The following MYO6 variants were observed in gnomAD, a reference collection of about 807,000 sequenced individuals.
The protein encoded by MYO6 is myosin VI, also known as unconventional myosin-VI.
MYO6 carries 74 observed loss-of-function variants against 178.7 expected under a neutral mutation model. The ratio of observed to expected loss-of-function variants is 0.41; its 90% CI spans 0.34 to 0.50. The LOEUF is 0.50. MYO6 is among the 20% of genes least tolerant of loss of function. The pLI, the probability that MYO6 is intolerant of heterozygous loss-of-function variation, is 0.09. For synonymous variants in MYO6, 477 were observed against 504.6 expected, an observed-to-expected ratio of 0.95 and a Z score of 0.73; for missense variants, 1,330 against 1,547.4, an observed-to-expected ratio of 0.86 and a Z score of 2.36.
Position 75,890,112 on chromosome 6 carries a change from G to T in MYO6, c.2714G>T (p.Ser905Ile), listed in dbSNP as rs758639863. The change falls in exon 26 of 35, where the codon AGC becomes ATC. Residue 905 changes from serine to isoleucine, a missense_variant. Transcript: ENST00000369977. ...IQKEYDALVK[S>I]SEELLSALQK... ...AAAGAATATGATGCACTGGTTAAAA[G>T]CTCAGAGGAACTCCTCAGTGCATTA... 6.2e-7 allele frequency: 1 copy of T among 1,613,766 alleles called. No homozygotes were observed. Among genetic ancestry groups the T allele is most frequent in the Non-Finnish European group, 8.5e-7 (1 of 1,179,976 alleles).
intron 10 of MYO6, among the ~76,000 whole-genome samples, chr6:75,846,459 A>G (rs1583259994): frequency 6.6e-6 from 1 of 152,130 alleles, no homozygotes; most frequent in Non-Finnish European, 1.5e-5. Flanking sequence ...AAAATATTCC[A>G]TTATTTAAAA....
chr6:75,763,700 T>C (rs1235903246), intron 1 of MYO6, among the ~76,000 whole-genome samples: 1 of 152,218 alleles, frequency 6.6e-6, no homozygotes, highest in East Asian at 1.9e-4. Flanking sequence ...CACAATAGTA[T>C]ATTATTTTGT....
At chr6:75,790,662 A>G (rs551437225) in intron 1 of MYO6, among the ~76,000 whole-genome samples, 1 of 152,296 alleles carries the variant, frequency 6.6e-6, no homozygotes, top group South Asian at 2.1e-4. Context: ...TACAGGCGTA[A>G]GCCACTTGCG....
intron 17 of MYO6, 29 bp downstream of exon 17, chr6:75,866,650 C>A: frequency 6.4e-7 from 1 of 1,557,464 alleles, no homozygotes; most frequent in South Asian, 1.1e-5. Context: ...AGGAGAAAAC[C>A]ATTTCATGTT....
In MYO6 at chr6:75,891,247, A is replaced by G. The variant is rs1778878589; in HGVS notation, c.2887A>G (p.Lys963Glu). ...TATTAGGAAACTTGAGATGGAAGCA[A>G]AGAGAAAACAAGAAGAAGAAGAGAG... ...ERRMKLEMEAKRKQEEEERKK... is the reference protein window; with the variant it reads ...ERRMKLEMEAERKQEEEERKK... Residue 963 changes from lysine (K) to glutamate (E), a missense_variant, in exon 27 of 35, where the codon AAG becomes GAG. This residue lies in a region of MYO6 where 601 missense variants were observed against 626.1 expected (regional missense o/e 0.96). Coordinates refer to ENST00000369977, the MANE Select transcript of MYO6 (RefSeq NM_004999.4). The G allele has an allele frequency of 3.1e-6, 5 of 1,607,674 alleles. No individual in the cohort carries two copies. In the Admixed American group the frequency reaches 8.4e-5, roughly 27 times the overall value.
At chr6:75,878,189 A>G (rs945642182) in intron 20 of MYO6, among the ~76,000 whole-genome samples, 2 of 152,202 alleles carry the variant, frequency 1.3e-5, no homozygotes, top group African/African-American at 4.8e-5. Flanking sequence ...AGGGGTGACC[A>G]CTTAACTCTA....
intron 19 of MYO6, among the ~76,000 whole-genome samples, chr6:75,871,822 C>T (rs886474439): frequency 3.9e-5 from 6 of 152,064 alleles, no homozygotes; most frequent in Admixed American, 6.6e-5. Flanking sequence ...ATTTCTAAAA[C>T]GTGTTCTAGA....
intron 23 of MYO6, 119 bp downstream of exon 23, chr6:75,881,937 G>A: frequency 8.7e-7 from 1 of 1,154,564 alleles, no homozygotes; most frequent in Non-Finnish European, 1.3e-6. Context: ...GTTCACACTG[G>A]GTCCCAGGTT....
At chr6:75,863,762 G>A (rs1776412516) in intron 16 of MYO6, among the ~76,000 whole-genome samples, 1 of 152,022 alleles carries the variant, frequency 6.6e-6, no homozygotes, top group Non-Finnish European at 1.5e-5. Context: ...GGGATTACAG[G>A]TGTGAGCCAC....
In MYO6 at chr6:75,887,252, C is replaced by T. The variant is rs115015775; in HGVS notation, c.2658+258C>T. Among the ~76,000 whole-genome samples the T allele has an allele frequency of 6.3e-3, 952 of 152,270 alleles. 8 individuals carry two copies. The highest frequency in any genetic ancestry group is 0.022 in the African/African-American group (897 of 41,548). On this transcript the variant is annotated intron_variant, in intron 25 of 34. Coordinates refer to ENST00000369977, the MANE Select transcript of MYO6 (RefSeq NM_004999.4). ...GAAAGATATCCCTCGCAACTTAATA[C>T]CTAGGTGATGGGATGATCTGTGCAT...
intron 4 of MYO6, among the ~76,000 whole-genome samples, chr6:75,828,825 T>TA (rs914662392): frequency 5.3e-5 from 8 of 152,164 alleles, no homozygotes; most frequent in African/African-American, 1.9e-4. Context: ...AGAAAGCACT[T>TA]AATCAGTATT....
In MYO6 at chr6:75,868,645, C is replaced by T. The variant is rs1776895248; in HGVS notation, c.1944+1540C>T. 3.3e-5 allele frequency among the ~76,000 whole-genome samples: 5 copies of T among 151,852 alleles called. No homozygotes were observed. The South Asian group carries it at 1.0e-3, about 32-fold the overall frequency. ...ATATTTCACGTTTTTCTCTGAGATA[C>T]CTTGAAATGAAATAGGAATAGATTC... On this transcript the variant is annotated intron_variant, in intron 18 of 34. Coordinates refer to ENST00000369977, the MANE Select transcript of MYO6 (RefSeq NM_004999.4).
At position 75,777,731 on chromosome 6, in the gene MYO6, C is replaced by T. The variant is rs150537042; in HGVS notation, c.-48+28308C>T. Among the ~76,000 whole-genome samples, 90 of 152,100 alleles carry T rather than the reference C, an allele frequency of 5.9e-4. No homozygotes were observed. In the East Asian group the frequency reaches 0.016, roughly 27 times the overall value. On this transcript the variant is annotated intron_variant, in intron 1 of 34. Transcript: ENST00000369977. ...GAATTACAGGCATAAACCACTGCAC[C>T]CAGCCAAGTTTGTGATTTTATATGA...
rs1052863252 is a variant in MYO6, at chr6:75,881,570, T to G, written c.2287-119T>G. 62 of 995,752 alleles carry G rather than the reference T, an allele frequency of 6.2e-5. 1 individual carries two copies. In the South Asian group the frequency reaches 8.1e-4, roughly 13 times the overall value. The allele number at this position is 995,752 out of a possible 1,614,324, so 61.7% of individuals were successfully genotyped here. ...TATTCTCTGCCAAGGCCTATGTAAT[T>G]GACATGTGACCATTTTCAGACAGTT... On this transcript the variant is annotated intron_variant, in intron 22 of 34. Transcript: ENST00000369977.
At chr6:75,772,357 C>G (rs1418664196) in intron 1 of MYO6, among the ~76,000 whole-genome samples, 1 of 152,034 alleles carries the variant, frequency 6.6e-6, no homozygotes, top group African/African-American at 2.4e-5. Context: ...CAGTTTAAAG[C>G]CTTCTCATTC....
intron 22 of MYO6, among the ~76,000 whole-genome samples, chr6:75,880,773 T>C (rs1179627914): frequency 6.6e-6 from 1 of 152,232 alleles, no homozygotes; most frequent in Non-Finnish European, 1.5e-5. Flanking sequence ...TAAGAAGCCG[T>C]TATATTGGTT....
At chr6:75,875,673 G>A (rs79310252) in intron 20 of MYO6, among the ~76,000 whole-genome samples, 3,085 of 152,298 alleles carry the variant, frequency 0.02, 100 homozygotes, top group African/African-American at 0.07. Flanking sequence ...CTGCCAAGTT[G>A]AACAGCACAG....
chr6:75,878,801 C>G (rs1269738079), intron 20 of MYO6, among the ~76,000 whole-genome samples: 1 of 152,138 alleles, frequency 6.6e-6, no homozygotes, highest in East Asian at 1.9e-4. Flanking sequence ...TGAATAGTCC[C>G]AGAGACTGAA....
chr6:75,752,022 G>A (rs1379502396), intron 1 of MYO6, among the ~76,000 whole-genome samples: 2 of 149,392 alleles, frequency 1.3e-5, no homozygotes. Context: ...CTGAGATGGA[G>A]TCTTGCCCTG....
Sources: gnomAD v4.1 joint callset for allele counts (sites outside exome capture counted in the v4.1 genomes callset) on GRCh38, gnomAD v4.1.1 for gene constraint, gnomAD v4.1.1 regional missense constraint, MANE v1.5 for transcripts, NCBI Gene and HGNC (gene_info 2026-07-23, HGNC 2026-07-21) for gene names.